The following GLT8D2 variants were observed in gnomAD, a reference collection of about 807,000 sequenced individuals.
GLT8D2 encodes glycosyltransferase 8 domain containing 2, also known as glycosyltransferase 8 domain-containing protein 2.
GLT8D2 carries 45 observed loss-of-function variants against 44.5 expected under a neutral mutation model. That is an observed-to-expected ratio of 1.01 (90% CI 0.80 to 1.30). The LOEUF (loss-of-function observed/expected upper bound fraction) is 1.30. GLT8D2 is among the 50% of genes most tolerant of loss of function. GLT8D2 has a pLI of 0.00. For synonymous variants in GLT8D2, 156 were observed against 157.2 expected (o/e 0.99, Z 0.06); for missense variants, 400 against 430.4 (o/e 0.93, Z 0.62).
intron 1 of GLT8D2, among the ~76,000 whole-genome samples, chr12:104,023,344 T>C (rs1347010802): frequency 6.6e-6 from 1 of 152,188 alleles, no homozygotes; most frequent in Non-Finnish European, 1.5e-5. Context: ...TTTTATTAGG[T>C]AGTATTTTCT....
chr12:104,023,504 C>T (rs1271720512), intron 1 of GLT8D2, among the ~76,000 whole-genome samples: 3 of 152,152 alleles, frequency 2.0e-5, no homozygotes. Flanking sequence ...ATTACCATGT[C>T]AGCTTCAAAA....
At chr12:103,993,777 C>T (rs959890415) in intron 9 of GLT8D2, 5 of 316,834 alleles carry the variant, frequency 1.6e-5, no homozygotes, top group Non-Finnish European at 2.9e-5. Flanking sequence ...CACAGGAGAT[C>T]AAATTCGAAT....
chr12:104,030,195 A>T (rs976832158), intron 1 of GLT8D2, among the ~76,000 whole-genome samples: 3 of 152,190 alleles, frequency 2.0e-5, no homozygotes, highest in African/African-American at 7.2e-5. Context: ...CCCAGAAATA[A>T]ATCCACGCAT....
chr12:103,996,801 CG>C lies in GLT8D2; in HGVS notation c.533del (p.Ala178GlyfsTer16). ...AATCGCAGTCATCTGAGAAAGCCGC[CG>C]CGTGGCCCAGGGCCAAGGTGGTGTC... is the stretch of plus-strand genomic sequence containing the variant. Reference protein sequence around the residue: ...LYDTTLALGHAAAFSDDCDLP... With the variant: ...LYDTTLALGHXAAFSDDCDLP... On this transcript the variant is annotated frameshift_variant, in exon 8 of 11. Coordinates refer to ENST00000360814, the MANE Select transcript of GLT8D2 (RefSeq NM_001384711.1). LOFTEE classifies it high-confidence loss of function. 1 of 1,614,134 alleles carries C rather than the reference CG, an allele frequency of 6.2e-7. No individual in the cohort carries two copies. Among genetic ancestry groups the C allele is most frequent in the East Asian group, 2.2e-5 (1 of 44,886 alleles).
chr12:104,057,272 C>CAA (rs1318849733), intron 1 of GLT8D2, among the ~76,000 whole-genome samples: 2 of 152,178 alleles, frequency 1.3e-5, no homozygotes, highest in Non-Finnish European at 2.9e-5. Flanking sequence ...TGGCTCACAC[C>CAA]TGTAATCCCA....
chr12:104,045,918 A>AGAAAGAAAGAAAGAAAGAAG lies in GLT8D2; in HGVS notation c.-164+3976_-164+3977insCTTCTTTCTTTCTTTCTTTC, dbSNP rs1555281886. On this transcript the variant is annotated intron_variant, in intron 1 of 10. Transcript: ENST00000360814. Reference sequence around the variant, plus strand: ...AAGAAAGAAAGAAAGAAAGAAAGAAAGAAAGAAAGAAAGAAAGAAAAAGAA... The same window carrying AGAAAGAAAGAAAGAAAGAAG: ...AAGAAAGAAAGAAAGAAAGAAAGAAAGAAAGAAAGAAAGAAAGAAGGAAAGAAAGAAAGAAAGAAAAAGAA... Among the ~76,000 whole-genome samples the AGAAAGAAAGAAAGAAAGAAG allele has an allele frequency of 3.9e-3, 570 of 145,926 alleles. 6 individuals are homozygous for AGAAAGAAAGAAAGAAAGAAG. The highest frequency in any genetic ancestry group is 0.024 in the South Asian group (104 of 4,348).
chr12:104,055,138 C>T (rs770863811), upstream of GLT8D2, among the ~76,000 whole-genome samples: 2 of 152,152 alleles, frequency 1.3e-5, no homozygotes, highest in Non-Finnish European at 2.9e-5. Flanking sequence ...CCAGCAAGAG[C>T]GGCCCTCCCA....
At chr12:104,048,919 G>A (rs558636274) in intron 1 of GLT8D2, among the ~76,000 whole-genome samples, 6 of 152,290 alleles carry the variant, frequency 3.9e-5, no homozygotes, top group South Asian at 4.1e-4. Flanking sequence ...CAATTCACCC[G>A]GAGTCGAGCT....
At chr12:104,040,554 T>C (rs1311514716) in intron 1 of GLT8D2, among the ~76,000 whole-genome samples, 1 of 152,112 alleles carries the variant, frequency 6.6e-6, no homozygotes, top group African/African-American at 2.4e-5. Context: ...GCCTCCAAAG[T>C]AGCTGGGATT....
At chr12:103,999,314 A>T in intron 6 of GLT8D2, 83 bp downstream of exon 6, 1 of 725,402 alleles carries the variant, frequency 1.4e-6, no homozygotes, top group Non-Finnish European at 2.4e-6. Flanking sequence ...AATATTCCAC[A>T]TGCATCCCGG....
intron 1 of GLT8D2, among the ~76,000 whole-genome samples, chr12:104,026,082 C>A (rs1176971651): frequency 6.6e-6 from 1 of 151,892 alleles, no homozygotes; most frequent in Non-Finnish European, 1.5e-5. Context: ...AATGCAAGAC[C>A]AGCCTGGACA....
intron 2 of GLT8D2, among the ~76,000 whole-genome samples, 168 bp from the exon 3 acceptor site, chr12:104,019,844 T>C (rs1877396491): frequency 6.6e-6 from 1 of 152,176 alleles, no homozygotes; most frequent in Non-Finnish European, 1.5e-5. Flanking sequence ...TACTAGCCCA[T>C]GTCTTCAAAA....
At chr12:104,057,558 T>C (rs1882283067) in intron 1 of GLT8D2, among the ~76,000 whole-genome samples, 1 of 152,102 alleles carries the variant, frequency 6.6e-6, no homozygotes, top group Non-Finnish European at 1.5e-5. Context: ...AATATTTCTG[T>C]TTTAAATTAT....
chr12:104,026,575 GT>G (rs1004074779), intron 1 of GLT8D2, among the ~76,000 whole-genome samples: 5 of 152,126 alleles, frequency 3.3e-5, no homozygotes, highest in African/African-American at 1.2e-4. Flanking sequence ...AGGAGAAGTG[GT>G]AGGCATTAAG....
At chr12:104,007,265 T>TCCC (rs1555277869) in intron 4 of GLT8D2, among the ~76,000 whole-genome samples, 1 of 136,386 alleles carries the variant, frequency 7.3e-6, no homozygotes. Flanking sequence ...TCTCTCTCTC[T>TCCC]CCCCCCGCTC....
intron 4 of GLT8D2, among the ~76,000 whole-genome samples, chr12:104,004,800 C>T (rs1402996822): frequency 6.6e-6 from 1 of 152,090 alleles, no homozygotes; most frequent in African/African-American, 2.4e-5. Context: ...AAAATGGCCA[C>T]ACTGCCCAAG....
intron 5 of GLT8D2, among the ~76,000 whole-genome samples, chr12:104,001,702 T>A (rs1293999153): frequency 2.0e-5 from 3 of 152,106 alleles, no homozygotes; most frequent in Admixed American, 2.0e-4. Context: ...TTATTTTTTA[T>A]TTATTATTTT....
At position 104,021,867 on chromosome 12, in the gene GLT8D2, AAAG is replaced by A. The variant is rs1175888989; in HGVS notation, c.-163-379_-163-377del. Among the ~76,000 whole-genome samples, 343 of 93,512 alleles carry A rather than the reference AAAG, an allele frequency of 3.7e-3. 3 individuals are homozygous for A. The highest frequency in any genetic ancestry group is 0.01 in the Middle Eastern group (2 of 196). 61.3% of individuals were successfully genotyped at this position (93,512 alleles called of 152,430 possible). ...GAAGGAGAAGGAGAAGGAGAAGAAG[AAAG>A]AAGAAGAAGAAGAAGAAGAAGAAGA... On this transcript the variant is annotated intron_variant, in intron 1 of 10. Transcript: ENST00000360814.
chr12:104,033,649 T>A (rs1438752782), intron 1 of GLT8D2, among the ~76,000 whole-genome samples: 2 of 152,058 alleles, frequency 1.3e-5, no homozygotes, highest in African/African-American at 4.8e-5. Context: ...ATCTTAAGAG[T>A]TCTCACTGCA....
Sources: allele counts gnomAD v4.1 joint callset (sites outside exome capture counted in the v4.1 genomes callset), GRCh38; gene constraint gnomAD v4.1.1; transcripts MANE v1.5; gene names NCBI Gene and HGNC (gene_info 2026-07-23, HGNC 2026-07-21).